Variants in APBB2 observed in about 807,000 individuals in gnomAD.
APBB2 encodes the protein amyloid beta precursor protein binding family B member 2, also known as Fe65-like 1.
A neutral mutation model predicts 82.5 loss-of-function variants in APBB2; 38 were observed. The ratio of observed to expected loss-of-function variants is 0.46; its 90% CI spans 0.36 to 0.60. The LOEUF is 0.60. Among genes scored for constraint, APBB2 ranks in the 20% least tolerant of loss-of-function variants. APBB2 has a pLI of 0.00. For synonymous variants in APBB2, 341 were observed against 368.2 expected (o/e 0.93, Z 0.85); for missense variants, 772 against 972.3 (o/e 0.79, Z 2.74).
intron 15 of APBB2, among the ~76,000 whole-genome samples, chr4:40,824,977 T>C (rs1749390926): frequency 6.6e-6 from 1 of 152,208 alleles, no homozygotes. Flanking sequence ...GTATGCAGTC[T>C]TTTGGGACTG....
chr4:41,117,647 G>A (rs750444548), intron 2 of APBB2, among the ~76,000 whole-genome samples: 3 of 152,182 alleles, frequency 2.0e-5, no homozygotes, highest in East Asian at 1.9e-4. Context: ...GAGGATGGGT[G>A]ACTTGCCCAA....
At chr4:40,944,363 A>T (rs528914848) in intron 7 of APBB2, among the ~76,000 whole-genome samples, 1 of 152,338 alleles carries the variant, frequency 6.6e-6, no homozygotes, top group Admixed American at 6.5e-5. Context: ...TGTCACTTCT[A>T]CTAAATAAAC....
chr4:41,195,160 C>A, intron 1 of APBB2, among the ~76,000 whole-genome samples: 1 of 152,138 alleles, frequency 6.6e-6, no homozygotes, highest in Non-Finnish European at 1.5e-5. Flanking sequence ...CCTACAGGCC[C>A]CTCTCAGACC....
chr4:41,037,602 G>A (rs1182177046), intron 4 of APBB2, among the ~76,000 whole-genome samples: 5 of 152,254 alleles, frequency 3.3e-5, no homozygotes, highest in East Asian at 1.9e-4. Flanking sequence ...GTCTCCACCC[G>A]AAAAATTCAA....
At chr4:40,949,911 T>A (rs1476291857) in intron 6 of APBB2, among the ~76,000 whole-genome samples, 2 of 152,166 alleles carry the variant, frequency 1.3e-5, no homozygotes, top group Non-Finnish European at 2.9e-5. Context: ...CTGGAGAATG[T>A]TTTTCTATTT....
chr4:41,008,349 C>A (rs1462338857), intron 6 of APBB2, among the ~76,000 whole-genome samples: 1 of 152,128 alleles, frequency 6.6e-6, no homozygotes, highest in African/African-American at 2.4e-5. Flanking sequence ...AAATATGTAG[C>A]CAATGCCAAA....
At chr4:40,983,433 C>T (rs1411054631) in intron 6 of APBB2, among the ~76,000 whole-genome samples, 9 of 152,142 alleles carry the variant, frequency 5.9e-5, no homozygotes, top group Non-Finnish European at 1.2e-4. Flanking sequence ...TGGGAAATAG[C>T]AGATATTTCA....
intron 2 of APBB2, among the ~76,000 whole-genome samples, chr4:41,125,885 C>T (rs1020212591): frequency 6.6e-6 from 1 of 152,160 alleles, no homozygotes; most frequent in African/African-American, 2.4e-5. Context: ...CAATTCACAC[C>T]AAAGACAGCC....
chr4:41,055,723 C>A (rs1727603767), intron 4 of APBB2, among the ~76,000 whole-genome samples: 1 of 152,208 alleles, frequency 6.6e-6, no homozygotes. Flanking sequence ...CTCAGCTCCA[C>A]CATTGTCTGT....
chr4:40,823,269 T>C (rs116395094), intron 16 of APBB2, among the ~76,000 whole-genome samples: 1 of 152,186 alleles, frequency 6.6e-6, no homozygotes, highest in African/African-American at 2.4e-5. Flanking sequence ...CTGCTACTGA[T>C]AGTCACAGGA....
At chr4:41,172,309 T>C (rs1442982125) in intron 1 of APBB2, among the ~76,000 whole-genome samples, 2 of 151,872 alleles carry the variant, frequency 1.3e-5, no homozygotes, top group South Asian at 2.1e-4. Flanking sequence ...ATCTAGACTG[T>C]CTTCCCACCC....
intron 3 of APBB2, among the ~76,000 whole-genome samples, chr4:41,081,600 A>T (rs1201888963): frequency 6.6e-6 from 1 of 152,036 alleles, no homozygotes; most frequent in African/African-American, 2.4e-5. Flanking sequence ...GTTATATAAA[A>T]TTTTTTTTCC....
At chr4:41,101,193 G>A (rs1018632631) in intron 2 of APBB2, among the ~76,000 whole-genome samples, 7 of 152,078 alleles carry the variant, frequency 4.6e-5, no homozygotes, top group Non-Finnish European at 8.8e-5. Context: ...GGCCGGGCGC[G>A]GTGGCTCACG....
chr4:40,888,172 C>T (rs1578207319), intron 12 of APBB2, among the ~76,000 whole-genome samples: 1 of 152,212 alleles, frequency 6.6e-6, no homozygotes, highest in South Asian at 2.1e-4. Flanking sequence ...ATCACTGAAC[C>T]GATTACTGTA....
intron 1 of APBB2, among the ~76,000 whole-genome samples, chr4:41,188,819 C>T (rs892051936): frequency 3.9e-5 from 6 of 151,934 alleles, no homozygotes; most frequent in East Asian, 1.9e-4. Context: ...GAGGCTGAGG[C>T]GGGAGGTTTG....
At chr4:40,984,579 T>C (rs1002939680) in intron 6 of APBB2, among the ~76,000 whole-genome samples, 73 of 152,116 alleles carry the variant, frequency 4.8e-4, no homozygotes, top group African/African-American at 1.7e-3. Flanking sequence ...AGGCCAGAAA[T>C]GGTTTTCTGG....
At chr4:40,816,527 C>T (rs138782087) in intron 17 of APBB2, among the ~76,000 whole-genome samples, 2 of 152,170 alleles carry the variant, frequency 1.3e-5, no homozygotes, top group Admixed American at 6.5e-5. Context: ...TAGTCCGCAA[C>T]GAATACACCT....
At chr4:41,048,259 G>A in intron 4 of APBB2, among the ~76,000 whole-genome samples, 1 of 152,114 alleles carries the variant, frequency 6.6e-6, no homozygotes, top group East Asian at 1.9e-4. Flanking sequence ...TCAGATTTTG[G>A]AGTTTTGGGT....
Position 41,016,051 on chromosome 4 carries a change from A to AACCTACATGAAGT in APBB2, c.20-1666_20-1654dup, listed in dbSNP as rs562115097. ...TTTCATATGAGAAGGGCCTACCTGA[A>AACCTACATGAAGT]ACCTACATGAAGTTTTCCCTGAGAC... On this transcript the variant is annotated intron_variant, in intron 5 of 17. Transcript: ENST00000508593. Among the ~76,000 whole-genome samples, 1,084 of 152,324 alleles carry AACCTACATGAAGT rather than the reference A, an allele frequency of 7.1e-3. 11 individuals carry two copies. The highest frequency in any genetic ancestry group is 0.012 in the Non-Finnish European group (827 of 68,040).
Sources: gnomAD v4.1 joint callset for allele counts (sites outside exome capture counted in the v4.1 genomes callset) on GRCh38, gnomAD v4.1.1 for gene constraint, MANE v1.5 for transcripts, NCBI Gene and HGNC (gene_info 2026-07-23, HGNC 2026-07-21) for gene names.